Variants in UBTF observed in about 807,000 individuals in gnomAD.
UBTF encodes the protein nucleolar transcription factor 1.
UBTF carries 8 observed loss-of-function variants against 112.3 expected under a neutral mutation model. That is an observed-to-expected ratio of 0.07 (90% CI 0.04 to 0.13). UBTF has a LOEUF of 0.13. Ranked by LOEUF, UBTF falls within the 10% of genes least tolerant of loss-of-function variation. The pLI, the probability that UBTF is intolerant of heterozygous loss-of-function variation, is 1.00. For missense variants in UBTF, 457 were observed against 982.1 expected (o/e 0.47, Z 7.15); for synonymous variants, 417 against 373.1 (o/e 1.12, Z -1.36).
In UBTF at chr17:44,206,432, T is replaced by A. The variant is rs59928879; in HGVS notation, c.*810A>T. The A allele has an allele frequency of 9.5e-4, 96 of 100,594 alleles. No individual in the cohort carries two copies. The highest frequency in any genetic ancestry group is 8.9e-3 in the East Asian group (22 of 2,468). 6.2% of individuals were successfully genotyped at this position (100,594 alleles called of 1,614,324 possible). A position where few individuals can be genotyped will look rare whatever the true frequency, so the allele number is the denominator to read the frequency against. ...CCCCTTTACACACACACACACACAC[T>A]CACACTCTTTTGCACACATCCACAG... On this transcript the variant is annotated 3_prime_UTR_variant, in exon 21 of 21. Transcript: ENST00000436088.
At chr17:44,216,137 G>T in intron 3 of UBTF, 148 bp from the exon 4 acceptor site, 1 of 700,892 alleles carries the variant, frequency 1.4e-6, no homozygotes. Flanking sequence ...AAATGAAGCA[G>T]GCAGCATGAC....
rs902523630 is a variant in UBTF at position 44,213,274 on chromosome 17, A to G, written c.483T>C (p.Tyr161=). ...GTTTCTCTCTCTGGAAGTCCTGAAT[A>G]TATTTCATCTGGGGGGAGGAGGGGA... ...KELPEKKKMK[Y]IQDFQREKQE... The change falls in exon 6 of 21, where the codon TAT becomes TAC. Residue 161 remains tyrosine (Y), a synonymous_variant. Transcript: ENST00000436088. 1 of 1,613,460 alleles carries G rather than the reference A, an allele frequency of 6.2e-7. No individual in the cohort carries two copies.
In UBTF at chr17:44,211,472, A is replaced by AAGCCC; in HGVS notation, c.1047+129_1047+133dup. The AAGCCC allele has an allele frequency of 1.3e-6, 2 of 1,557,110 alleles. No homozygotes were observed. Among genetic ancestry groups the AAGCCC allele is most frequent in the Non-Finnish European group, 8.8e-7 (1 of 1,141,250 alleles). On this transcript the variant is annotated intron_variant, in intron 10 of 20. Transcript: ENST00000436088. This position sits in a 1 kb window ranked among gnomAD's most constrained non-coding sequence, Gnocchi z 4.9. ...CCCTGCCTGGACGGGCTCAGTTGCTAAGCCCAGCCCAGCCCCACACTGTAT... is the reference window on the plus strand; with the variant it reads ...CCCTGCCTGGACGGGCTCAGTTGCTAAGCCCAGCCCAGCCCAGCCCCACACTGTAT...
At chr17:44,218,032 T>C in intron 2 of UBTF, 140 bp downstream of exon 2, 2 of 895,338 alleles carry the variant, frequency 2.2e-6, no homozygotes, top group Non-Finnish European at 3.5e-6. Context: ...GGGAGATGCT[T>C]GATTCATAAA....
chr17:44,208,296 A>T (rs1322437562), intron 17 of UBTF, among the ~76,000 whole-genome samples: 1 of 151,930 alleles, frequency 6.6e-6, no homozygotes, highest in African/African-American at 2.4e-5. Context: ...AGAGACAGCA[A>T]TCTCACTATG....
Position 44,207,463 on chromosome 17 carries a change from ATCCTCGCTCTCG to A in UBTF, c.2148_2159del (p.Glu717_Asp720del), listed in dbSNP as rs1567785885. On this transcript the variant is annotated inframe_deletion, in exon 20 of 21. Transcript: ENST00000436088. ...GCCCTGTCTGCCCCACCTCATCCCC[ATCCTCGCTCTCG>A]TCCTCGCTGCTGGACTCAGAGGAGT... 6.2e-7 allele frequency: 1 copy of A among 1,613,294 alleles called. No homozygotes were observed. The highest frequency in any genetic ancestry group is 8.5e-7 in the Non-Finnish European group (1 of 1,179,754).
At position 44,209,635 on chromosome 17, in the gene UBTF, C is replaced by T; in HGVS notation, c.1715+10G>A. 1.2e-6 allele frequency: 2 copies of T among 1,614,160 alleles called. No homozygotes were observed. Among genetic ancestry groups the T allele is most frequent in the East Asian group, 2.2e-5 (1 of 44,882 alleles). On this transcript the variant is annotated intron_variant, in intron 16 of 20. Coordinates refer to ENST00000436088, the MANE Select transcript of UBTF (RefSeq NM_014233.4). ...CGACCTCCAGGGCAGACTCCAACCC[C>T]CAGGCTCACATGGGAGGCTTCTTGG...
chr17:44,213,046 T>C (rs2056795742), intron 6 of UBTF, 107 bp from the exon 7 acceptor site: 1 of 1,558,104 alleles, frequency 6.4e-7, no homozygotes, highest in African/African-American at 1.4e-5. Flanking sequence ...TGGGGCTCAG[T>C]GGGACGGTGG....
intron 8 of UBTF, 102 bp from the exon 9 acceptor site, chr17:44,212,108 G>A (rs2056720831): frequency 2.5e-5 from 32 of 1,303,742 alleles, no homozygotes; most frequent in Non-Finnish European, 3.3e-5. Flanking sequence ...GAGCAAAGCT[G>A]GGGGTGGCTG....
Position 44,206,413 on chromosome 17 carries a change from T to TACAC in UBTF, c.*825_*828dup, listed in dbSNP as rs3837836. 0.06 allele frequency: 8,874 copies of TACAC among 146,740 alleles called. 441 individuals carry two copies. Among genetic ancestry groups the TACAC allele is most frequent in the African/African-American group, 0.13 (5,069 of 39,094 alleles). 9.1% of individuals were successfully genotyped at this position (146,740 alleles called of 1,614,324 possible). On this transcript the variant is annotated 3_prime_UTR_variant, in exon 21 of 21. Coordinates refer to ENST00000436088, the MANE Select transcript of UBTF (RefSeq NM_014233.4). ...ATGTGGGCTCTAGGACAGACCCCTT[T>TACAC]ACACACACACACACACACTCACACT...
At chr17:44,219,369 G>C (rs953319429) in intron 1 of UBTF, 76 bp downstream of exon 1, 62 of 151,356 alleles carry the variant, frequency 4.1e-4, no homozygotes, top group African/African-American at 1.4e-3. Context: ...TCCCCGCTGG[G>C]CGCCCACCGC....
Position 44,212,834 on chromosome 17 carries a change from G to T in UBTF, c.645C>A (p.Leu215=). Residue 215 remains leucine, a synonymous_variant, in exon 7 of 21, where the codon CTC becomes CTA. Transcript: ENST00000436088. ...GGACACTCACATCTGGCCGCACTTT[G>T]AGATACACCTTCTTCTCGTGGGTGT... is the stretch of plus-strand genomic sequence containing the variant. ...LWYTHEKKVY[L]KVRPDATTKE... 1.2e-6 allele frequency: 2 copies of T among 1,614,100 alleles called. No individual in the cohort carries two copies. The highest frequency in any genetic ancestry group is 1.7e-6 in the Non-Finnish European group (2 of 1,179,964).
rs1567780633 is a variant in UBTF, at chr17:44,205,808, A to G, written c.*1434T>C. On this transcript the variant is annotated 3_prime_UTR_variant, in exon 21 of 21. Transcript: ENST00000436088. The stretch of plus-strand genomic sequence containing the variant: ...CAAATTTAGTCAACAAAAAAATAAG[A>G]ACTACAGAGATAAGGTGGCTTGGCT... The G allele has an allele frequency of 6.6e-6, 1 of 152,238 alleles. No individual in the cohort carries two copies. The highest frequency in any genetic ancestry group is 1.5e-5 in the Non-Finnish European group (1 of 68,040). The allele number at this position is 152,238 out of a possible 1,614,324, so 9.4% of individuals were successfully genotyped here. A position where few individuals can be genotyped will look rare whatever the true frequency, so the allele number is the denominator to read the frequency against.
At chr17:44,218,711 G>A (rs995897937) in intron 1 of UBTF, among the ~76,000 whole-genome samples, 1 of 151,628 alleles carries the variant, frequency 6.6e-6, no homozygotes, top group Non-Finnish European at 1.5e-5. Flanking sequence ...GGCCACGGAA[G>A]CGGGCACGCG....
At chr17:44,209,173 TAAAAAA>T (rs67856160) in intron 17 of UBTF, 173 bp downstream of exon 17, 1 of 539,822 alleles carries the variant, frequency 1.9e-6, no homozygotes, top group Non-Finnish European at 2.9e-6. Flanking sequence ...TCTCAAAAAA[TAAAAAA>T]AAAAATAAAA....
chr17:44,219,881 G>A (rs1360252186), upstream of UBTF: 1 of 150,296 alleles, frequency 6.7e-6, no homozygotes, highest in Admixed American at 6.6e-5. Flanking sequence ...CCCGGGGAGC[G>A]AGCGCCAGCC....
rs758085842 is a variant in UBTF, at chr17:44,207,386, T to C, written c.2170-19A>G. On this transcript the variant is annotated intron_variant, in intron 20 of 20. Transcript: ENST00000436088. ...CTTCATTCTGGGGGGTGAGAAAGGA[T>C]GTGGAGTCACCAGGTGGCCCTCCTG... 6 of 1,612,736 alleles carry C rather than the reference T, an allele frequency of 3.7e-6. No individual in the cohort carries two copies. Among genetic ancestry groups the C allele is most frequent in the Non-Finnish European group, 5.1e-6 (6 of 1,179,248 alleles).
Position 44,207,689 on chromosome 17 carries a change from G to A in UBTF, c.2025+10C>T, listed in dbSNP as rs925023011. On this transcript the variant is annotated intron_variant, in intron 19 of 20. Coordinates refer to ENST00000436088, the MANE Select transcript of UBTF (RefSeq NM_014233.4). ...GCCCCACGCCCCTGCATCTGGGAGG[G>A]GCTCCTTACCGACTTGGACTGCAGA... The A allele has an allele frequency of 1.9e-6, 3 of 1,614,040 alleles. No individual in the cohort carries two copies. The highest frequency in any genetic ancestry group is 2.5e-6 in the Non-Finnish European group (3 of 1,180,042).
chr17:44,212,668 C>G, intron 7 of UBTF, 151 bp downstream of exon 7: 1 of 1,394,398 alleles, frequency 7.2e-7, no homozygotes, highest in Non-Finnish European at 9.8e-7. Flanking sequence ...CACGCTTGCA[C>G]GCCAGCTGGC....
Sources: gnomAD v4.1 joint callset for allele counts (sites outside exome capture counted in the v4.1 genomes callset) on GRCh38, gnomAD v4.1.1 for gene constraint, Gnocchi (gnomAD v3.1) non-coding constraint, MANE v1.5 for transcripts, NCBI Gene and HGNC (gene_info 2026-07-23, HGNC 2026-07-21) for gene names.